The following HELLS variants were observed in gnomAD, a reference collection of about 807,000 sequenced individuals.
HELLS encodes lymphoid-specific helicase.
In HELLS, 32 loss-of-function variants were observed where a neutral mutation model predicts 120.0. The ratio of observed to expected loss-of-function variants is 0.27; its 90% CI spans 0.20 to 0.36. The LOEUF is 0.36. Among genes scored for constraint, HELLS ranks in the 10% least tolerant of loss-of-function variants. The pLI is 1.00. For missense variants in HELLS, 650 were observed against 993.4 expected, an observed-to-expected ratio of 0.65 and a Z score of 4.65; for synonymous variants, 341 against 323.4, an observed-to-expected ratio of 1.05 and a Z score of -0.58.
chr10:94,567,505 T>A (rs909620791), intron 6 of HELLS, among the ~76,000 whole-genome samples: 2 of 151,614 alleles, frequency 1.3e-5, no homozygotes, highest in Non-Finnish European at 2.9e-5. Flanking sequence ...TCCATGTTGG[T>A]CAGGCTGGTC....
chr10:94,574,431 A>C (rs939564083), intron 8 of HELLS, 123 bp from the exon 9 acceptor site: 1 of 795,492 alleles, frequency 1.3e-6, no homozygotes, highest in East Asian at 2.6e-5. Flanking sequence ...TATGGTGTGA[A>C]TATATCAGCT....
intron 6 of HELLS, among the ~76,000 whole-genome samples, chr10:94,563,909 C>A (rs1016112623): frequency 3.3e-5 from 5 of 151,200 alleles, no homozygotes; most frequent in African/African-American, 9.7e-5. Flanking sequence ...TTCCCAGGTT[C>A]AAGCAATTCT....
intron 2 of HELLS, among the ~76,000 whole-genome samples, chr10:94,548,792 G>A (rs1418435833): frequency 6.6e-6 from 1 of 152,046 alleles, no homozygotes; most frequent in Non-Finnish European, 1.5e-5. Flanking sequence ...TCAGGAGTTC[G>A]AGACCAGTTT....
intron 13 of HELLS, among the ~76,000 whole-genome samples, chr10:94,589,804 A>T (rs966359107): frequency 1.3e-5 from 2 of 148,696 alleles, no homozygotes; most frequent in Admixed American, 6.9e-5. Context: ...CTCCTGCCTC[A>T]GCCTCCCGAG....
At chr10:94,564,013 T>A (rs1481602542) in intron 6 of HELLS, among the ~76,000 whole-genome samples, 1 of 152,104 alleles carries the variant, frequency 6.6e-6, no homozygotes, top group Non-Finnish European at 1.5e-5. Context: ...TTTCAGTGTG[T>A]TGCCCAGGCT....
chr10:94,580,621 A>C (rs1844822409), intron 10 of HELLS, among the ~76,000 whole-genome samples: 2 of 152,090 alleles, frequency 1.3e-5, no homozygotes, highest in South Asian at 4.1e-4. Context: ...AGTACTATAA[A>C]CTTTTTTCAT....
chr10:94,564,884 C>T (rs1843715333), intron 6 of HELLS, among the ~76,000 whole-genome samples: 1 of 151,956 alleles, frequency 6.6e-6, no homozygotes, highest in Non-Finnish European at 1.5e-5. Flanking sequence ...CATGAGGCAC[C>T]ACTCCTGGCC....
At chr10:94,580,136 TATATATATATATATATATATATATATAC>T (rs1844764131) in intron 10 of HELLS, among the ~76,000 whole-genome samples, 2 of 39,602 alleles carry the variant, frequency 5.1e-5, no homozygotes, top group African/African-American at 3.3e-4. Context: ...TATATATATA[TATATATATATATATATATATATATATAC>T]ACACACACAC....
intron 6 of HELLS, among the ~76,000 whole-genome samples, chr10:94,564,715 A>G (rs557192156): frequency 6.6e-6 from 1 of 151,972 alleles, no homozygotes; most frequent in South Asian, 2.1e-4. Context: ...CCCATATTCA[A>G]GCGATTCTTA....
chr10:94,585,263 T>C lies in HELLS; in HGVS notation c.1326+2204T>C, dbSNP rs146348731. Among the ~76,000 whole-genome samples, 459 of 151,818 alleles carry C rather than the reference T, an allele frequency of 3.0e-3. 1 individual carries two copies. The highest frequency in any genetic ancestry group is 0.011 in the African/African-American group (442 of 41,520). ...CACGGTAAGATATTTTTAAATGTTA[T>C]AAACATTTAGAAATTAAAAAGTAAG... On this transcript the variant is annotated intron_variant, in intron 12 of 21. Coordinates refer to ENST00000348459, the MANE Select transcript of HELLS (RefSeq NM_018063.5).
intron 7 of HELLS, among the ~76,000 whole-genome samples, chr10:94,572,338 A>T (rs2134048330): frequency 6.6e-6 from 1 of 152,362 alleles, no homozygotes; most frequent in South Asian, 2.1e-4. Context: ...ACACTTGTGT[A>T]ACCACCATCC....
chr10:94,559,231 A>G (rs1214552820), intron 4 of HELLS, among the ~76,000 whole-genome samples: 3 of 152,000 alleles, frequency 2.0e-5, no homozygotes. Context: ...CATGGTCTTT[A>G]TTTAGCACCA....
intron 12 of HELLS, among the ~76,000 whole-genome samples, chr10:94,583,715 G>A (rs577368697): frequency 1.5e-4 from 22 of 148,652 alleles, no homozygotes; most frequent in African/African-American, 2.6e-4. Flanking sequence ...GTGTAAACAC[G>A]TGTGTTTTAT....
At chr10:94,586,645 A>G (rs1845165823) in intron 12 of HELLS, among the ~76,000 whole-genome samples, 1 of 152,112 alleles carries the variant, frequency 6.6e-6, no homozygotes, top group African/African-American at 2.4e-5. Context: ...TCAGTATTTA[A>G]TGGCAGGGGT....
intron 12 of HELLS, among the ~76,000 whole-genome samples, chr10:94,584,313 C>T (rs930584702): frequency 1.3e-5 from 2 of 151,958 alleles, no homozygotes; most frequent in African/African-American, 2.4e-5. Flanking sequence ...TTTCCCCTCA[C>T]TTTTTGGGAT....
At chr10:94,547,605 TG>T (rs1318182470) in intron 2 of HELLS, among the ~76,000 whole-genome samples, 1 of 152,238 alleles carries the variant, frequency 6.6e-6, no homozygotes, top group East Asian at 1.9e-4. Flanking sequence ...TCAACTATTC[TG>T]TAAAGTAGAT....
chr10:94,575,867 G>T (rs986879189), intron 9 of HELLS, among the ~76,000 whole-genome samples: 9 of 150,934 alleles, frequency 6.0e-5, no homozygotes, highest in Admixed American at 6.6e-5. Flanking sequence ...GCACGATCTC[G>T]GCTCAGTGCA....
chr10:94,594,262 GCTCAGTAGC>G (rs1845638792), intron 18 of HELLS, among the ~76,000 whole-genome samples: 2 of 152,000 alleles, frequency 1.3e-5, no homozygotes. Context: ...CACCATCACG[GCTCAGTAGC>G]CTTGACCTTT....
intron 10 of HELLS, among the ~76,000 whole-genome samples, chr10:94,578,764 A>G (rs557897906): frequency 6.6e-6 from 1 of 152,270 alleles, no homozygotes; most frequent in South Asian, 2.1e-4. Flanking sequence ...CCATCTAGGG[A>G]TGATGGGAGA....
Sources: gnomAD v4.1 joint callset for allele counts (sites outside exome capture counted in the v4.1 genomes callset) on GRCh38, gnomAD v4.1.1 for gene constraint, MANE v1.5 for transcripts, NCBI Gene and HGNC (gene_info 2026-07-23, HGNC 2026-07-21) for gene names.